The following CTNND2 variants were observed in gnomAD, a reference collection of about 807,000 sequenced individuals.
CTNND2 encodes catenin delta 2.
Under a neutral mutation model 144.4 loss-of-function variants are expected in CTNND2, and 22 were observed. That is an observed-to-expected ratio of 0.15 (90% CI 0.11 to 0.22). The LOEUF (loss-of-function observed/expected upper bound fraction) is 0.22, where lower values mean the gene tolerates loss of function less well. CTNND2 is among the 10% of genes least tolerant of loss of function. The probability of loss-of-function intolerance (pLI) is 1.00; values close to 1 mark genes in which losing one functional copy is unlikely to be tolerated. For synonymous variants in CTNND2, 751 were observed against 695.6 expected, an observed-to-expected ratio of 1.08 and a Z score of -1.25; for missense variants, 1,353 against 1,618.8, an observed-to-expected ratio of 0.84 and a Z score of 2.82.
chr5:11,737,266 T>C (rs1430449137), intron 1 of CTNND2, among the ~76,000 whole-genome samples: 1 of 152,184 alleles, frequency 6.6e-6, no homozygotes, highest in Non-Finnish European at 1.5e-5. Flanking sequence ...CAACCTGATA[T>C]AGAAAAATGC....
intron 1 of CTNND2, among the ~76,000 whole-genome samples, chr5:11,802,744 T>C (rs866270638): frequency 1.3e-5 from 2 of 152,216 alleles, no homozygotes; most frequent in Non-Finnish European, 2.9e-5. Context: ...CAATTTCCCA[T>C]GATTATCTAT....
At chr5:11,096,803 CAGAG>C (rs375930798) in intron 15 of CTNND2, among the ~76,000 whole-genome samples, 13 of 149,036 alleles carry the variant, frequency 8.7e-5, no homozygotes, top group Middle Eastern at 3.4e-3. Context: ...GAGAGAGAGA[CAGAG>C]AGAGAGAGAG....
intron 3 of CTNND2, among the ~76,000 whole-genome samples, chr5:11,521,620 T>C (rs2150041067): frequency 6.6e-6 from 1 of 152,330 alleles, no homozygotes; most frequent in East Asian, 1.9e-4. Context: ...CAGATATTAA[T>C]ATTCTGGTTC....
At chr5:11,793,875 G>A (rs1435529537) in intron 1 of CTNND2, among the ~76,000 whole-genome samples, 1 of 152,154 alleles carries the variant, frequency 6.6e-6, no homozygotes, top group East Asian at 1.9e-4. Flanking sequence ...TAACACTGGG[G>A]TTATTTATTC....
intron 2 of CTNND2, among the ~76,000 whole-genome samples, chr5:11,611,588 G>C (rs1561618909): frequency 6.6e-6 from 1 of 152,182 alleles, no homozygotes; most frequent in East Asian, 1.9e-4. Flanking sequence ...GACCAGCCTG[G>C]AAAACATGGT....
At chr5:11,756,612 C>A (rs1329854881) in intron 1 of CTNND2, among the ~76,000 whole-genome samples, 1 of 143,656 alleles carries the variant, frequency 7.0e-6, no homozygotes, top group Non-Finnish European at 1.5e-5. Context: ...ATAAATACAT[C>A]CACATCCACA....
chr5:11,657,395 G>A (rs529313808), intron 2 of CTNND2, among the ~76,000 whole-genome samples: 2 of 152,160 alleles, frequency 1.3e-5, no homozygotes, highest in African/African-American at 2.4e-5. Flanking sequence ...TACTTTTCAT[G>A]CTAACATCTT....
chr5:11,048,209 C>T (rs1745479896), intron 16 of CTNND2, among the ~76,000 whole-genome samples: 1 of 152,076 alleles, frequency 6.6e-6, no homozygotes, highest in African/African-American at 2.4e-5. Context: ...AAGTGTCATC[C>T]AATCTCTGCA....
chr5:11,799,510 CTT>C (rs1226434202), intron 1 of CTNND2, among the ~76,000 whole-genome samples: 1 of 152,136 alleles, frequency 6.6e-6, no homozygotes, highest in East Asian at 1.9e-4. Context: ...TTTTTATCAA[CTT>C]CTACTCCCTG....
At chr5:11,311,564 CT>C in intron 9 of CTNND2, among the ~76,000 whole-genome samples, 1 of 144,140 alleles carries the variant, frequency 6.9e-6, no homozygotes, top group African/African-American at 2.6e-5. Flanking sequence ...GGCACTCACA[CT>C]CCCCATGCAC....
chr5:11,818,427 G>A (rs1044161508), intron 1 of CTNND2, among the ~76,000 whole-genome samples: 4 of 151,520 alleles, frequency 2.6e-5, no homozygotes, highest in East Asian at 3.9e-4. Flanking sequence ...GGAGTGCAGC[G>A]ATGTGATCTC....
intron 2 of CTNND2, among the ~76,000 whole-genome samples, chr5:11,699,393 G>C (rs991687062): frequency 6.6e-6 from 1 of 152,112 alleles, no homozygotes; most frequent in Non-Finnish European, 1.5e-5. Flanking sequence ...ATACGATGAG[G>C]ATGACAAAAA....
At position 11,174,636 on chromosome 5, in the gene CTNND2, A is replaced by G. The variant is rs189214233; in HGVS notation, c.1976-14877T>C. ...CTGTTTCAGGACTATCAGAGGGTTG[A>G]TTGAGGACAAATAAAAATGCGTTAG... On this transcript the variant is annotated intron_variant, in intron 11 of 21. Transcript: ENST00000304623. Among the ~76,000 whole-genome samples, 80 of 152,292 alleles carry G rather than the reference A, an allele frequency of 5.3e-4. 1 individual carries two copies. In the South Asian group the frequency reaches 0.011, roughly 21 times the overall value.
chr5:11,156,008 G>A (rs1347019267), intron 12 of CTNND2, among the ~76,000 whole-genome samples: 2 of 152,160 alleles, frequency 1.3e-5, no homozygotes, highest in Admixed American at 1.3e-4. Flanking sequence ...AGTAGTCTAC[G>A]ACCTGGAGGT....
chr5:11,842,208 T>C (rs373744647), intron 1 of CTNND2, among the ~76,000 whole-genome samples: 1 of 152,046 alleles, frequency 6.6e-6, no homozygotes, highest in African/African-American at 2.4e-5. Flanking sequence ...GTGTAAATAG[T>C]GTCAGGATGT....
intron 1 of CTNND2, among the ~76,000 whole-genome samples, chr5:11,824,381 T>A (rs1194483641): frequency 1.3e-5 from 2 of 152,132 alleles, no homozygotes; most frequent in Non-Finnish European, 2.9e-5. Context: ...AATGTTTCAC[T>A]TCAGGCCTGA....
At chr5:11,627,401 T>C (rs1489401966) in intron 2 of CTNND2, among the ~76,000 whole-genome samples, 2 of 152,214 alleles carry the variant, frequency 1.3e-5, no homozygotes, top group African/African-American at 4.8e-5. Flanking sequence ...TGTACCATGA[T>C]GTTTTTAACA....
chr5:11,815,595 T>C (rs2126918954), intron 1 of CTNND2, among the ~76,000 whole-genome samples: 1 of 152,254 alleles, frequency 6.6e-6, no homozygotes, highest in Middle Eastern at 3.4e-3. Context: ...TAGTAACTAC[T>C]ACACACTGTT....
At chr5:11,539,833 A>G (rs568360983) in intron 3 of CTNND2, among the ~76,000 whole-genome samples, 1 of 152,312 alleles carries the variant, frequency 6.6e-6, no homozygotes, top group East Asian at 1.9e-4. Flanking sequence ...CAGGAGTTCA[A>G]GACCAGCCTG....
Sources: gnomAD v4.1 joint callset for allele counts (sites outside exome capture counted in the v4.1 genomes callset) on GRCh38, gnomAD v4.1.1 for gene constraint, MANE v1.5 for transcripts, NCBI Gene and HGNC (gene_info 2026-07-23, HGNC 2026-07-21) for gene names.